Variants in IPO5 observed in about 807,000 individuals in gnomAD.
The protein encoded by IPO5 is importin 5, also known as importin-5.
IPO5 carries 18 observed loss-of-function variants against 143.3 expected under a neutral mutation model. That is an observed-to-expected ratio of 0.13 (90% confidence interval 0.09 to 0.19). The LOEUF is 0.19. Among genes scored for constraint, IPO5 ranks in the 10% least tolerant of loss-of-function variants. The pLI is 1.00. For missense variants in IPO5, 1,013 were observed against 1,336.9 expected, an observed-to-expected ratio of 0.76 and a Z score of 3.78; for synonymous variants, 477 against 465.7, an observed-to-expected ratio of 1.02 and a Z score of -0.31.
chr13:98,012,442 T>C lies in IPO5; in HGVS notation c.2152+100T>C, dbSNP rs550493831. 3.0e-5 allele frequency: 23 copies of C among 754,432 alleles called. No individual in the cohort carries two copies. In the East Asian group the frequency reaches 5.8e-4, roughly 19 times the overall value. The allele number at this position is 754,432 out of a possible 1,614,324, so 46.7% of individuals were successfully genotyped here. On this transcript the variant is annotated intron_variant, in intron 21 of 28. Transcript: ENST00000651721. ...TTGACTGAAGTAGACTTCACCATGA[T>C]TGTTTGTATTTGCACTAAGTGTACT...
chr13:97,983,463 A>G (rs1192174301), intron 5 of IPO5, among the ~76,000 whole-genome samples: 3 of 151,056 alleles, frequency 2.0e-5, no homozygotes, highest in Non-Finnish European at 2.9e-5. Context: ...ACTTTTCCCT[A>G]TGGTAAAAAC....
chr13:97,984,858 G>GC (rs1214798577), intron 5 of IPO5, among the ~76,000 whole-genome samples: 1 of 152,120 alleles, frequency 6.6e-6, no homozygotes, highest in Non-Finnish European at 1.5e-5. Context: ...TACAGAAAAT[G>GC]CCAAACTTAA....
Position 98,002,900 on chromosome 13 carries a change from G to C in IPO5, c.1360G>C (p.Gly454Arg), listed in dbSNP as rs1888925112. The C allele has an allele frequency of 3.1e-6, 5 of 1,613,642 alleles. No individual in the cohort carries two copies. In the South Asian group the frequency reaches 4.4e-5, roughly 14 times the overall value. The change falls in exon 16 of 29, where the codon GGC (glycine) becomes CGC (arginine). Residue 454 changes from glycine to arginine, a missense_variant. This residue lies in a region of IPO5 where 685 missense variants were observed against 994.9 expected (regional missense o/e 0.69). Coordinates refer to ENST00000651721, the MANE Select transcript of IPO5 (RefSeq NM_002271.6). ...AALLQTMEDQ[G>R]NQRVQAHAAA... ...TCTGCTGCAGACCATGGAAGACCAA[G>C]GCAATCAACGTGTGCAGGCCCATGC... is the stretch of plus-strand genomic sequence containing the variant.
rs1890447250 is a variant in IPO5, at chr13:98,020,965, T to G, written c.3066-27T>G. On this transcript the variant is annotated intron_variant, in intron 27 of 28. Coordinates refer to ENST00000651721, the MANE Select transcript of IPO5 (RefSeq NM_002271.6). ...CATATTTCTCCTTATAAATTTCACT[T>G]ACTAAGGTTTTCTTCTCATTTGTCA... The G allele has an allele frequency of 3.8e-6, 6 of 1,579,020 alleles. No individual in the cohort carries two copies. In the East Asian group the frequency reaches 1.4e-4, roughly 36 times the overall value.
intron 18 of IPO5, among the ~76,000 whole-genome samples, chr13:98,009,446 TAATA>T (rs1261633810): frequency 6.6e-6 from 1 of 152,208 alleles, no homozygotes; most frequent in Non-Finnish European, 1.5e-5. Context: ...TCTTGGGTTT[TAATA>T]AATGTTTAAT....
At chr13:97,968,102 C>T (rs1230479499) in intron 2 of IPO5, among the ~76,000 whole-genome samples, 1 of 152,202 alleles carries the variant, frequency 6.6e-6, no homozygotes, top group Middle Eastern at 3.2e-3. Flanking sequence ...TGATTAGAGA[C>T]ATGAGGCACC....
intron 2 of IPO5, among the ~76,000 whole-genome samples, chr13:97,954,679 T>G (rs957222650): frequency 1.3e-5 from 2 of 152,186 alleles, no homozygotes; most frequent in Non-Finnish European, 2.9e-5. Context: ...TCCTAGAACT[T>G]AATCCCCTAA....
At chr13:97,957,572 T>A (rs923764347) in intron 2 of IPO5, among the ~76,000 whole-genome samples, 3 of 152,114 alleles carry the variant, frequency 2.0e-5, no homozygotes, top group African/African-American at 7.2e-5. Context: ...TTATATTAGT[T>A]GGTAGGAGGC....
chr13:97,987,451 T>G (rs1210177767), intron 6 of IPO5, among the ~76,000 whole-genome samples: 1 of 152,210 alleles, frequency 6.6e-6, no homozygotes, highest in Non-Finnish European at 1.5e-5. Context: ...GCTAGCAGAT[T>G]GTATCCTTTC....
chr13:98,001,109 A>C (rs1215628394), intron 13 of IPO5, among the ~76,000 whole-genome samples: 1 of 152,126 alleles, frequency 6.6e-6, no homozygotes, highest in Non-Finnish European at 1.5e-5. Context: ...CCTGGCCTCA[A>C]GCAGTCCTCC....
chr13:97,978,643 C>T lies in IPO5; in HGVS notation c.90+1857C>T, dbSNP rs374323579. 2.6e-5 allele frequency among the ~76,000 whole-genome samples: 4 copies of T among 152,236 alleles called. 1 individual carries two copies. Among genetic ancestry groups the T allele is most frequent in the African/African-American group, 9.6e-5 (4 of 41,548 alleles). ...CGCCAAAATAACTTTTTAATCCCAGCATGAAAATAATAGAAATTTTCATGT... is the reference window on the plus strand; with the variant it reads ...CGCCAAAATAACTTTTTAATCCCAGTATGAAAATAATAGAAATTTTCATGT... On this transcript the variant is annotated intron_variant, in intron 4 of 28. Transcript: ENST00000651721.
intron 5 of IPO5, among the ~76,000 whole-genome samples, chr13:97,985,110 G>T (rs1028897220): frequency 6.6e-6 from 1 of 152,100 alleles, no homozygotes; most frequent in Non-Finnish European, 1.5e-5. Context: ...TCATTATAGG[G>T]TTTACAATTT....
chr13:97,987,979 T>A, intron 6 of IPO5: 1 of 302,940 alleles, frequency 3.3e-6, no homozygotes, highest in Non-Finnish European at 7.3e-6. Context: ...CTATTTTATT[T>A]CCCCTCAAAG....
intron 13 of IPO5, chr13:98,000,955 A>G (rs1262836349): frequency 6.8e-6 from 2 of 294,858 alleles, no homozygotes; most frequent in Non-Finnish European, 1.3e-5. Context: ...AAGAAACTCT[A>G]TCTAATGTTA....
At chr13:98,008,328 C>T (rs1780712753) in intron 18 of IPO5, among the ~76,000 whole-genome samples, 186 bp downstream of exon 18, 2 of 152,158 alleles carry the variant, frequency 1.3e-5, no homozygotes, top group South Asian at 4.1e-4. Context: ...TTGTAGGTTG[C>T]TCTTGCTTTC....
chr13:97,984,729 G>A (rs940187010), intron 5 of IPO5, among the ~76,000 whole-genome samples: 2 of 151,938 alleles, frequency 1.3e-5, no homozygotes, highest in Non-Finnish European at 2.9e-5. Context: ...ATCAGCTTGG[G>A]GAAATCGAGA....
At chr13:98,010,890 C>T (rs1455696363) in intron 20 of IPO5, among the ~76,000 whole-genome samples, 1 of 147,958 alleles carries the variant, frequency 6.8e-6, no homozygotes, top group Non-Finnish European at 1.5e-5. Flanking sequence ...AGTTGATTCT[C>T]CTGCCTCAGC....
At chr13:97,975,917 C>G (rs1352580467) in intron 3 of IPO5, 2 of 985,348 alleles carry the variant, frequency 2.0e-6, no homozygotes, top group East Asian at 2.3e-4. Flanking sequence ...CTGGAGAGCG[C>G]GACGGGAGGA....
intron 15 of IPO5, 29 bp from the exon 16 acceptor site, chr13:98,002,835 A>G (rs1270644429): frequency 6.9e-6 from 11 of 1,602,160 alleles, no homozygotes; most frequent in East Asian, 6.7e-5. Context: ...ACATTTCAAC[A>G]TGTGTGCCCA....
Sources: gnomAD v4.1 joint callset for allele counts (sites outside exome capture counted in the v4.1 genomes callset) on GRCh38, gnomAD v4.1.1 for gene constraint, gnomAD v4.1.1 regional missense constraint, MANE v1.5 for transcripts, NCBI Gene and HGNC (gene_info 2026-07-23, HGNC 2026-07-21) for gene names.